The following NAV2 variants were observed in gnomAD, a reference collection of about 807,000 sequenced individuals.
NAV2 encodes neuron navigator 2, also known as helicase, APC down-regulated 1.
NAV2 carries 54 observed loss-of-function variants against 223.2 expected under a neutral mutation model. The observed-to-expected ratio is 0.24, with a 90% confidence interval of 0.19 to 0.30. The LOEUF (loss-of-function observed/expected upper bound fraction) is 0.30. NAV2 is among the 10% of genes least tolerant of loss of function. The probability of loss-of-function intolerance (pLI) is 1.00; values close to 1 mark genes in which losing one functional copy is unlikely to be tolerated. For missense variants in NAV2, 2,806 were observed against 3,147.5 expected (o/e 0.89, Z 2.60); for synonymous variants, 1,279 against 1,239.3 (o/e 1.03, Z -0.67).
At chr11:20,040,740 A>G (rs1234139718) in intron 12 of NAV2, among the ~76,000 whole-genome samples, 1 of 152,218 alleles carries the variant, frequency 6.6e-6, no homozygotes, top group Non-Finnish European at 1.5e-5. Context: ...ATTGAGATGG[A>G]AACAACTGGC....
At position 19,394,522 on chromosome 11, in the gene NAV2, G is replaced by A. The variant is rs1456685942; in HGVS notation, c.75+43495G>A. The stretch of plus-strand genomic sequence containing the variant: ...GCACACAATGGTCAATGTGAGGAGC[G>A]ATGGCTCTTGTCTTCTCAGAGCTTA... On this transcript the variant is annotated intron_variant, in intron 1 of 37. Coordinates refer to the NAV2 transcript ENST00000360655. 2.6e-5 allele frequency among the ~76,000 whole-genome samples: 4 copies of A among 151,530 alleles called. 1 individual carries two copies. The highest frequency in any genetic ancestry group is 2.9e-5 in the Non-Finnish European group (2 of 68,042).
At chr11:19,575,599 A>G (rs1343545549) in intron 1 of NAV2, among the ~76,000 whole-genome samples, 1 of 152,160 alleles carries the variant, frequency 6.6e-6, no homozygotes. Context: ...CCCCCTATGC[A>G]AGTACCTCCT....
At chr11:20,065,046 G>A (rs1000315641) in intron 20 of NAV2, among the ~76,000 whole-genome samples, 1 of 152,104 alleles carries the variant, frequency 6.6e-6, no homozygotes, top group African/African-American at 2.4e-5. Context: ...AAAAAAAATA[G>A]CCTATCAGTG....
At chr11:19,434,613 T>C (rs1245226707) in intron 1 of NAV2, among the ~76,000 whole-genome samples, 3 of 152,188 alleles carry the variant, frequency 2.0e-5, no homozygotes, top group African/African-American at 7.2e-5. Flanking sequence ...GCACATTTCT[T>C]TTTTAGCTCC....
At chr11:19,640,540 C>T (rs1434363614) in intron 1 of NAV2, among the ~76,000 whole-genome samples, 1 of 151,922 alleles carries the variant, frequency 6.6e-6, no homozygotes, top group East Asian at 1.9e-4. Flanking sequence ...TTTTCCCCTT[C>T]CATATCTCAG....
chr11:19,459,804 G>A (rs765907129), intron 1 of NAV2, among the ~76,000 whole-genome samples: 14 of 152,158 alleles, frequency 9.2e-5, no homozygotes, highest in Non-Finnish European at 1.5e-4. Flanking sequence ...AGGAATTTAG[G>A]CTTTTCTCTA....
intron 1 of NAV2, among the ~76,000 whole-genome samples, chr11:19,830,636 A>G (rs1239874173): frequency 6.6e-6 from 1 of 152,220 alleles, no homozygotes; most frequent in Non-Finnish European, 1.5e-5. Context: ...ACTCTTTCAA[A>G]AGTGCTCTTG....
intron 1 of NAV2, among the ~76,000 whole-genome samples, chr11:19,589,716 G>T (rs536193560): frequency 6.6e-6 from 1 of 152,162 alleles, no homozygotes; most frequent in Non-Finnish European, 1.5e-5. Flanking sequence ...TCAGAATGGG[G>T]GCCTAGAAGC....
intron 1 of NAV2, among the ~76,000 whole-genome samples, chr11:19,723,201 A>G (rs1201443370): frequency 1.3e-5 from 2 of 152,246 alleles, no homozygotes; most frequent in Non-Finnish European, 2.9e-5. Context: ...CAGAGTTTCC[A>G]GGAATGATGA....
At chr11:19,931,090 T>G (rs1450608379) in intron 6 of NAV2, among the ~76,000 whole-genome samples, 4 of 152,208 alleles carry the variant, frequency 2.6e-5, no homozygotes, top group Non-Finnish European at 5.9e-5. Context: ...CCTACCTAAG[T>G]CTCAGTTTCC....
chr11:19,505,205 G>A (rs202244861), intron 1 of NAV2: 1 of 152,294 alleles, frequency 6.6e-6, no homozygotes, highest in East Asian at 1.9e-4. Context: ...GGGTGGAAGA[G>A]CAGTTGAGCT....
At chr11:19,520,527 C>G (rs1470717081) in intron 1 of NAV2, among the ~76,000 whole-genome samples, 1 of 152,200 alleles carries the variant, frequency 6.6e-6, no homozygotes, top group Non-Finnish European at 1.5e-5. Context: ...AGCCACGCTG[C>G]CTGCTTTCCA....
At chr11:19,846,361 A>AAGAGCCCACAGTACAACAGACTCATAGGC (rs1279993087) in intron 3 of NAV2, among the ~76,000 whole-genome samples, 4 of 152,180 alleles carry the variant, frequency 2.6e-5, no homozygotes, top group African/African-American at 9.7e-5. Flanking sequence ...AGGGGCATGG[A>AAGAGCCCACAGTACAACAGACTCATAGGC]AGAGCCCACA....
rs145754574 is a variant in NAV2, at chr11:19,870,365, G to C, written c.511+1368G>C. ...GGCTGGTAGGTGGCAGGGCATACTCGTCCTAGTTTCTGGGAGTGCTTGAAC... is the reference window on the plus strand; with the variant it reads ...GGCTGGTAGGTGGCAGGGCATACTCCTCCTAGTTTCTGGGAGTGCTTGAAC... On this transcript the variant is annotated intron_variant, in intron 4 of 37. Transcript: ENST00000349880. Among the ~76,000 whole-genome samples, 218 of 152,234 alleles carry C rather than the reference G, an allele frequency of 1.4e-3. 4 individuals are homozygous for C. The South Asian group carries it at 0.022, about 16-fold the overall frequency.
At chr11:19,382,985 G>C (rs1848901318) in intron 1 of NAV2, among the ~76,000 whole-genome samples, 1 of 152,176 alleles carries the variant, frequency 6.6e-6, no homozygotes, top group Non-Finnish European at 1.5e-5. Flanking sequence ...TGTGAGGCCA[G>C]AGCTGGGATT....
intron 1 of NAV2, among the ~76,000 whole-genome samples, chr11:19,807,699 A>G (rs1026374092): frequency 1.6e-4 from 25 of 152,160 alleles, no homozygotes; most frequent in Non-Finnish European, 4.4e-5. Context: ...ACCCCACTGA[A>G]GTTCTCACCC....
chr11:19,938,166 T>C (rs1187430891), intron 7 of NAV2, among the ~76,000 whole-genome samples: 1 of 152,196 alleles, frequency 6.6e-6, no homozygotes, highest in Non-Finnish European at 1.5e-5. Flanking sequence ...AGGAAGAATG[T>C]GGCCATCATC....
At chr11:19,865,424 A>C (rs569618835) in intron 3 of NAV2, among the ~76,000 whole-genome samples, 63 of 152,176 alleles carry the variant, frequency 4.1e-4, no homozygotes, top group Non-Finnish European at 8.7e-4. Flanking sequence ...GATCAAAGAA[A>C]CAATCTCCCT....
intron 1 of NAV2, among the ~76,000 whole-genome samples, chr11:19,785,161 T>TAAG (rs1229756898): frequency 1.3e-5 from 2 of 152,206 alleles, no homozygotes; most frequent in African/African-American, 4.8e-5. Flanking sequence ...AGTCCAGGAC[T>TAAG]AAGAATCTTG....
Sources: gnomAD v4.1 joint callset for allele counts (sites outside exome capture counted in the v4.1 genomes callset) on GRCh38, gnomAD v4.1.1 for gene constraint, MANE v1.5 for transcripts, NCBI Gene and HGNC (gene_info 2026-07-23, HGNC 2026-07-21) for gene names.